URM1: variants seen among roughly 807,000 people sequenced by gnomAD.
The protein encoded by URM1 is ubiquitin related modifier 1.
In URM1, 11 loss-of-function variants were observed where a neutral mutation model predicts 17.7. The observed-to-expected ratio is 0.62, with a 90% confidence interval of 0.39 to 1.03. The LOEUF is 1.03. Ranked by LOEUF, URM1 falls within the 50% of genes least tolerant of loss-of-function variation. The probability of loss-of-function intolerance (pLI) is 0.00; values close to 1 mark genes in which losing one functional copy is unlikely to be tolerated. For missense variants in URM1, 128 were observed against 129.2 expected (o/e 0.99, Z 0.04); for synonymous variants, 48 against 50.6 (o/e 0.95, Z 0.22).
chr9:128,386,018 T>G (rs973829454), intron 2 of URM1, among the ~76,000 whole-genome samples: 6 of 152,114 alleles, frequency 3.9e-5, no homozygotes, highest in African/African-American at 1.4e-4. Flanking sequence ...GACTCCACCA[T>G]GACCACTAGC....
chr9:128,382,814 A>T (rs1315813118), intron 2 of URM1, among the ~76,000 whole-genome samples: 2 of 152,186 alleles, frequency 1.3e-5, no homozygotes, highest in Non-Finnish European at 2.9e-5. Context: ...GTGTGAGAGA[A>T]GGGATGTCTT....
At chr9:128,388,541 T>C in intron 3 of URM1, 2 of 986,042 alleles carry the variant, frequency 2.0e-6, no homozygotes, top group Non-Finnish European at 2.4e-6. Context: ...CCTCGAAGCA[T>C]AGGTCACTGT....
chr9:128,389,379 TCTC>T, intron 4 of URM1, 70 bp downstream of exon 4: 1 of 1,613,658 alleles, frequency 6.2e-7, no homozygotes, highest in South Asian at 1.1e-5. Flanking sequence ...GCGTTGGGCC[TCTC>T]CTCAGGCACA....
rs1345928495 is a variant in URM1, at chr9:128,390,556, T to C, written c.*822T>C. ...TAGTGGCTGAAAACTGGGGAGATAC[T>C]TGATGGCGCGAATGTCCGTTTTCTC... On this transcript the variant is annotated 3_prime_UTR_variant, in exon 5 of 5. Coordinates refer to ENST00000372853, the MANE Select transcript of URM1 (RefSeq NM_030914.4). The C allele has an allele frequency of 6.6e-6, 1 of 152,242 alleles. No homozygotes were observed. The highest frequency in any genetic ancestry group is 1.5e-5 in the Non-Finnish European group (1 of 68,078). 9.4% of individuals were successfully genotyped at this position (152,242 alleles called of 1,614,324 possible).
intron 2 of URM1, among the ~76,000 whole-genome samples, chr9:128,384,782 A>G (rs1314803415): frequency 6.6e-6 from 1 of 152,068 alleles, no homozygotes; most frequent in Non-Finnish European, 1.5e-5. Context: ...CCCATTTTAC[A>G]AAAAAAGGAA....
chr9:128,372,518 T>C (rs1010142667), intron 1 of URM1, among the ~76,000 whole-genome samples: 4 of 152,182 alleles, frequency 2.6e-5, no homozygotes, highest in African/African-American at 2.4e-5. Flanking sequence ...CAAAGATAAA[T>C]AGAAGTCTGT....
chr9:128,388,961 T>C (rs1043412376), intron 3 of URM1: 6 of 1,230,104 alleles, frequency 4.9e-6, no homozygotes, highest in East Asian at 3.5e-5. Context: ...CAGTATCACT[T>C]ATCCCATTTT....
At chr9:128,377,888 A>G in intron 1 of URM1, 148 bp from the exon 2 acceptor site, 1 of 713,132 alleles carries the variant, frequency 1.4e-6, no homozygotes, top group South Asian at 1.7e-5. Context: ...AAAAAGAATT[A>G]GTCACTGCAC....
intron 2 of URM1, 142 bp downstream of exon 2, chr9:128,378,248 A>G: frequency 1.6e-6 from 1 of 614,902 alleles, no homozygotes; most frequent in Non-Finnish European, 2.7e-6. Context: ...TAAAAACAAG[A>G]GTCTACACGG....
At chr9:128,378,714 G>T (rs1029403125) in intron 2 of URM1, among the ~76,000 whole-genome samples, 1 of 151,984 alleles carries the variant, frequency 6.6e-6, no homozygotes, top group Non-Finnish European at 1.5e-5. Flanking sequence ...CAGCACTTTG[G>T]GGGGCCGAGG....
At chr9:128,374,824 A>T (rs1184771290) in intron 1 of URM1, among the ~76,000 whole-genome samples, 1 of 152,272 alleles carries the variant, frequency 6.6e-6, no homozygotes, top group Non-Finnish European at 1.5e-5. Flanking sequence ...GAGAAGCAGC[A>T]TGGGGCGCTG....
intron 2 of URM1, among the ~76,000 whole-genome samples, chr9:128,383,321 C>G (rs1833183582): frequency 1.3e-5 from 2 of 152,102 alleles, no homozygotes; most frequent in African/African-American, 4.8e-5. Flanking sequence ...CCATTCTTAC[C>G]CCCATTCACT....
intron 1 of URM1, among the ~76,000 whole-genome samples, chr9:128,375,264 CACTGT>C (rs1472004654): frequency 6.6e-6 from 1 of 152,134 alleles, no homozygotes; most frequent in Non-Finnish European, 1.5e-5. Context: ...CAGCCTCCAG[CACTGT>C]GATGTACCCA....
At chr9:128,384,849 A>C (rs1362899994) in intron 2 of URM1, among the ~76,000 whole-genome samples, 1 of 152,154 alleles carries the variant, frequency 6.6e-6, no homozygotes, top group East Asian at 1.9e-4. Flanking sequence ...AGTCCAGCTC[A>C]AAACCAGGCC....
chr9:128,376,457 A>G (rs1313033226), intron 1 of URM1, among the ~76,000 whole-genome samples: 1 of 151,510 alleles, frequency 6.6e-6, no homozygotes, highest in African/African-American at 2.4e-5. Context: ...CAGGAGTTCA[A>G]GACCAGCCTG....
At chr9:128,376,652 C>T (rs917634952) in intron 1 of URM1, among the ~76,000 whole-genome samples, 2 of 151,408 alleles carry the variant, frequency 1.3e-5, no homozygotes, top group African/African-American at 4.9e-5. Flanking sequence ...CAGAGCGAGA[C>T]TCTGTCTCAA....
chr9:128,388,170 C>T lies in URM1; in HGVS notation c.188+273C>T, dbSNP rs1003669162. 25 of 1,238,310 alleles carry T rather than the reference C, an allele frequency of 2.0e-5. 1 individual carries two copies. The East Asian group carries it at 2.4e-4, about 12-fold the overall frequency. 76.7% of individuals were successfully genotyped at this position (1,238,310 alleles called of 1,614,324 possible). A position where few individuals can be genotyped will look rare whatever the true frequency, so the allele number is the denominator to read the frequency against. ...CACAGACTTGCTGTGGGACCTTAGGCGACTTACTTCGCTTCTCTGGGCCTC... is the reference window on the plus strand; with the variant it reads ...CACAGACTTGCTGTGGGACCTTAGGTGACTTACTTCGCTTCTCTGGGCCTC... On this transcript the variant is annotated intron_variant, in intron 3 of 4. Transcript: ENST00000372853.
intron 1 of URM1, among the ~76,000 whole-genome samples, chr9:128,377,681 TTAAATA>T (rs1833095731): frequency 6.6e-6 from 1 of 151,988 alleles, no homozygotes; most frequent in Non-Finnish European, 1.5e-5. Flanking sequence ...TAAAATAAAA[TTAAATA>T]TAAACATAAA....
intron 2 of URM1, among the ~76,000 whole-genome samples, chr9:128,382,861 A>G (rs1402877933): frequency 6.6e-6 from 1 of 152,218 alleles, no homozygotes; most frequent in Non-Finnish European, 1.5e-5. Flanking sequence ...GCAGGCACCC[A>G]CCAGCTTAGG....
Sources: allele counts gnomAD v4.1 joint callset (sites outside exome capture counted in the v4.1 genomes callset), GRCh38; gene constraint gnomAD v4.1.1; transcripts MANE v1.5; gene names NCBI Gene and HGNC (gene_info 2026-07-23, HGNC 2026-07-21).